Variants in NCAM2 observed in about 807,000 individuals in gnomAD.
NCAM2 encodes N-CAM-2.
In NCAM2, 30 loss-of-function variants were observed where a neutral mutation model predicts 98.1. The observed-to-expected ratio is 0.31, with a 90% confidence interval of 0.23 to 0.41. The LOEUF (loss-of-function observed/expected upper bound fraction) is 0.41, where lower values mean the gene tolerates loss of function less well. Among genes scored for constraint, NCAM2 ranks in the 10% least tolerant of loss-of-function variants. The pLI is 1.00. For synonymous variants in NCAM2, 368 were observed against 342.4 expected (o/e 1.07, Z -0.83); for missense variants, 867 against 1,005.8 (o/e 0.86, Z 1.87).
In NCAM2 at chr21:21,242,742, A is replaced by G. The variant is rs79282915; in HGVS notation, c.56-37836A>G. Among the ~76,000 whole-genome samples the G allele has an allele frequency of 1.8e-3, 278 of 152,314 alleles. 2 individuals carry two copies. Among genetic ancestry groups the G allele is most frequent in the East Asian group, 0.012 (64 of 5,184 alleles). On this transcript the variant is annotated intron_variant, in intron 1 of 17. Coordinates refer to ENST00000400546, the MANE Select transcript of NCAM2 (RefSeq NM_004540.5). ...TTTATCCATCTATCTGATGATGGAC[A>G]CTTAGTTTGTTTCCATATCTTAACT...
At chr21:21,425,040 CAAAAA>C (rs1192128472) in intron 11 of NCAM2, among the ~76,000 whole-genome samples, 84 of 43,850 alleles carry the variant, frequency 1.9e-3, no homozygotes, top group East Asian at 0.018. Context: ...CTTCCTCCTC[CAAAAA>C]AAAAAAAAAA....
chr21:21,405,179 A>G (rs527294818), intron 9 of NCAM2, among the ~76,000 whole-genome samples: 1 of 152,026 alleles, frequency 6.6e-6, no homozygotes, highest in Non-Finnish European at 1.5e-5. Context: ...TATTTATGGT[A>G]TAATTACTAA....
At chr21:21,504,885 A>T (rs1987879978) in intron 15 of NCAM2, among the ~76,000 whole-genome samples, 1 of 151,844 alleles carries the variant, frequency 6.6e-6, no homozygotes, top group Non-Finnish European at 1.5e-5. Context: ...TAATCAAATT[A>T]GGGAAAATGG....
chr21:21,489,499 G>A (rs1047047024), intron 15 of NCAM2, among the ~76,000 whole-genome samples: 16 of 151,430 alleles, frequency 1.1e-4, no homozygotes, highest in South Asian at 8.3e-4. Context: ...GGCCATGAAT[G>A]AATGGAATAT....
intron 1 of NCAM2, among the ~76,000 whole-genome samples, chr21:21,209,628 G>T (rs1432967651): frequency 1.3e-5 from 2 of 152,104 alleles, no homozygotes; most frequent in African/African-American, 2.4e-5. Context: ...CAAAGGTATA[G>T]GTTATTGCAG....
intron 1 of NCAM2, among the ~76,000 whole-genome samples, chr21:21,207,830 A>C (rs2069502260): frequency 6.6e-6 from 1 of 152,176 alleles, no homozygotes; most frequent in Non-Finnish European, 1.5e-5. Context: ...TTGGCTGACC[A>C]CTAAATATTA....
chr21:21,010,250 C>T (rs1425499733), intron 1 of NCAM2, among the ~76,000 whole-genome samples: 1 of 152,018 alleles, frequency 6.6e-6, no homozygotes, highest in African/African-American at 2.4e-5. Context: ...ATGCATTTTA[C>T]CTCTGTGTGG....
chr21:21,116,867 AAAAAG>A (rs992822049), intron 1 of NCAM2, among the ~76,000 whole-genome samples: 4 of 152,146 alleles, frequency 2.6e-5, no homozygotes, highest in Non-Finnish European at 4.4e-5. Context: ...AAGAAAAAAA[AAAAAG>A]AAAAGAAATA....
At chr21:21,338,294 T>A in intron 7 of NCAM2, 95 bp from the exon 8 acceptor site, 1 of 1,142,982 alleles carries the variant, frequency 8.7e-7, no homozygotes, top group Non-Finnish European at 1.3e-6. Flanking sequence ...AATATCATAC[T>A]ATACTATAGT....
At chr21:21,401,089 T>G (rs1569022099) in intron 9 of NCAM2, among the ~76,000 whole-genome samples, 1 of 152,194 alleles carries the variant, frequency 6.6e-6, no homozygotes, top group Non-Finnish European at 1.5e-5. Flanking sequence ...GCACTCAATT[T>G]TGATTGCAAG....
intron 1 of NCAM2, among the ~76,000 whole-genome samples, chr21:21,113,242 G>T (rs1256423508): frequency 6.6e-6 from 1 of 152,168 alleles, no homozygotes; most frequent in Non-Finnish European, 1.5e-5. Context: ...AAAAGCAATG[G>T]TGGACAAAAC....
chr21:21,137,946 G>T (rs1362290641), intron 1 of NCAM2, among the ~76,000 whole-genome samples: 1 of 151,946 alleles, frequency 6.6e-6, no homozygotes, highest in Non-Finnish European at 1.5e-5. Flanking sequence ...CTGGATTTGT[G>T]TTGATGGACT....
At chr21:21,286,793 C>A (rs1306288472) in intron 4 of NCAM2, among the ~76,000 whole-genome samples, 2 of 151,894 alleles carry the variant, frequency 1.3e-5, no homozygotes, top group East Asian at 3.9e-4. Flanking sequence ...GGTTTGCAGA[C>A]CTTTGCTCTA....
chr21:21,476,869 C>CA (rs1289872805), intron 14 of NCAM2, among the ~76,000 whole-genome samples: 1 of 151,840 alleles, frequency 6.6e-6, no homozygotes, highest in Non-Finnish European at 1.5e-5. Flanking sequence ...TTCTTCCCCC[C>CA]AAAAAACTTT....
chr21:21,045,412 G>A (rs1173835178), intron 1 of NCAM2, among the ~76,000 whole-genome samples: 1 of 152,192 alleles, frequency 6.6e-6, no homozygotes, highest in Non-Finnish European at 1.5e-5. Context: ...GGGAGGCCAA[G>A]GTGGGAGGAT....
intron 15 of NCAM2, among the ~76,000 whole-genome samples, chr21:21,494,739 A>G (rs184756380): frequency 1.3e-5 from 2 of 151,808 alleles, no homozygotes; most frequent in East Asian, 3.9e-4. Flanking sequence ...TAGATAAGAT[A>G]ATAGATATTT....
intron 15 of NCAM2, among the ~76,000 whole-genome samples, chr21:21,491,319 T>C (rs1986826610): frequency 6.6e-6 from 1 of 151,874 alleles, no homozygotes; most frequent in African/African-American, 2.4e-5. Context: ...ATTTCAGTAA[T>C]ATAAAGATTG....
rs1468961901 is a variant in NCAM2 at position 21,541,165 on chromosome 21, T to C, written c.*3208T>C. ...CCAACAATTAATTGTAACTTTATGATCATATCTTTGTTTATGCTTCTTATT... is the reference window on the plus strand; with the variant it reads ...CCAACAATTAATTGTAACTTTATGACCATATCTTTGTTTATGCTTCTTATT... On this transcript the variant is annotated 3_prime_UTR_variant, in exon 18 of 18. Transcript: ENST00000400546. The C allele has an allele frequency of 1.3e-5, 2 of 151,614 alleles. No individual in the cohort carries two copies. The highest frequency in any genetic ancestry group is 3.0e-5 in the Non-Finnish European group (2 of 67,728). The allele number at this position is 151,614 out of a possible 1,614,324, so 9.4% of individuals were successfully genotyped here. A position where few individuals can be genotyped will look rare whatever the true frequency, so the allele number is the denominator to read the frequency against.
At chr21:21,276,989 A>G (rs1026845711) in intron 1 of NCAM2, among the ~76,000 whole-genome samples, 19 of 152,102 alleles carry the variant, frequency 1.2e-4, no homozygotes, top group Admixed American at 5.2e-4. Context: ...ACAAATCAGT[A>G]TAAACAGTTT....
Sources: gnomAD v4.1 joint callset for allele counts (sites outside exome capture counted in the v4.1 genomes callset) on GRCh38, gnomAD v4.1.1 for gene constraint, MANE v1.5 for transcripts, NCBI Gene and HGNC (gene_info 2026-07-23, HGNC 2026-07-21) for gene names.